Variants in BEND5 observed in about 807,000 individuals in gnomAD.
BEND5 encodes BEN domain-containing protein 5.
Under a neutral mutation model 43.9 loss-of-function variants are expected in BEND5, and 22 were observed. That is an observed-to-expected ratio of 0.50 (90% CI 0.36 to 0.72). BEND5 has a LOEUF of 0.72. Among genes scored for constraint, BEND5 ranks in the 30% least tolerant of loss-of-function variants. The pLI is 0.00. For missense variants in BEND5, 428 were observed against 550.6 expected, an observed-to-expected ratio of 0.78 and a Z score of 2.23; for synonymous variants, 228 against 225.9, an observed-to-expected ratio of 1.01 and a Z score of -0.08.
chr1:48,746,885 GA>G (rs199560065), intron 3 of BEND5, among the ~76,000 whole-genome samples: 1,602 of 152,316 alleles, frequency 0.011, 19 homozygotes, highest in Non-Finnish European at 0.014. Flanking sequence ...TCAATCAACA[GA>G]GCGCAATGTT....
chr1:48,738,630 A>C (rs1400026571), intron 4 of BEND5, among the ~76,000 whole-genome samples: 1 of 152,200 alleles, frequency 6.6e-6, no homozygotes, highest in African/African-American at 2.4e-5. Context: ...AATTACATTA[A>C]ATTCTGAATC....
intron 1 of BEND5, among the ~76,000 whole-genome samples, chr1:48,765,078 T>C (rs1480242621): frequency 4.6e-5 from 7 of 152,144 alleles, no homozygotes; most frequent in Non-Finnish European, 7.3e-5. Flanking sequence ...CTTCCACTCA[T>C]CTCCTCCCTC....
chr1:48,731,472 G>T (rs1220704737), intron 5 of BEND5, among the ~76,000 whole-genome samples: 1 of 152,176 alleles, frequency 6.6e-6, no homozygotes, highest in Non-Finnish European at 1.5e-5. Context: ...CAAAGATACA[G>T]TAAGAAGAGA....
chr1:48,774,584 A>C (rs1190546110), intron 1 of BEND5, among the ~76,000 whole-genome samples: 1 of 152,216 alleles, frequency 6.6e-6, no homozygotes, highest in Admixed American at 6.5e-5. Flanking sequence ...CCAGTTTCCA[A>C]ATGATGCTTG....
intron 4 of BEND5, among the ~76,000 whole-genome samples, chr1:48,740,230 G>A (rs1305761866): frequency 6.6e-6 from 1 of 152,166 alleles, no homozygotes; most frequent in African/African-American, 2.4e-5. Context: ...GGCCCCTGAG[G>A]TTAGCAAGGC....
chr1:48,744,898 C>T (rs1473455), intron 3 of BEND5, among the ~76,000 whole-genome samples: 97,974 of 152,074 alleles, frequency 0.64, 33,139 homozygotes, highest in Non-Finnish European at 0.77. Flanking sequence ...TGTCTTGGCG[C>T]TGAACACTAC....
rs1177223341 is a variant in BEND5 at position 48,776,886 on chromosome 1, G to A, written c.-55C>T. 1.6e-6 allele frequency: 2 copies of A among 1,245,818 alleles called. No homozygotes were observed. The allele number at this position is 1,245,818 out of a possible 1,614,324, so 77.2% of individuals were successfully genotyped here. ...GCAGCTCAGCCCGCGGGGCGGGCGC[G>A]GAGGTGGGGATCCGGCGGGGGGCGC... On this transcript the variant is annotated 5_prime_UTR_variant, in exon 1 of 6. Transcript: ENST00000371833.
chr1:48,736,134 A>C lies in BEND5; in HGVS notation c.1108+105T>G, dbSNP rs1186177470. On this transcript the variant is annotated intron_variant, in intron 5 of 5. Coordinates refer to ENST00000371833, the MANE Select transcript of BEND5 (RefSeq NM_024603.4). The surrounding 1 kb of genome is among the most constrained non-coding windows in gnomAD (Gnocchi z 4.0). ...CCCCGGGCTCAGCCCAGGGTCTGGC[A>C]TGCAGAAGCTTCATAAGTAATCGTT... The C allele has an allele frequency of 7.6e-7, 1 of 1,321,878 alleles. No homozygotes were observed. The highest frequency in any genetic ancestry group is 1.5e-5 in the African/African-American group (1 of 68,340). 81.9% of individuals were successfully genotyped at this position (1,321,878 alleles called of 1,614,324 possible). A position where few individuals can be genotyped will look rare whatever the true frequency, so the allele number is the denominator to read the frequency against.
intron 5 of BEND5, among the ~76,000 whole-genome samples, chr1:48,730,772 A>T (rs1044899726): frequency 2.0e-5 from 3 of 152,188 alleles, no homozygotes; most frequent in African/African-American, 7.2e-5. Context: ...ATTATTGCTT[A>T]ATTAACAAGG....
At chr1:48,758,176 T>C (rs954086492) in intron 3 of BEND5, among the ~76,000 whole-genome samples, 2 of 152,220 alleles carry the variant, frequency 1.3e-5, no homozygotes, top group Non-Finnish European at 2.9e-5. Context: ...TTTATATTCA[T>C]CTTCCTAAGG....
chr1:48,733,993 C>A (rs1648595009), intron 5 of BEND5, among the ~76,000 whole-genome samples: 1 of 152,152 alleles, frequency 6.6e-6, no homozygotes, highest in African/African-American at 2.4e-5. Flanking sequence ...CACCCAGGAC[C>A]TCCTGAGTCA....
rs1262843260 is a variant in BEND5, at chr1:48,742,655, C to T, written c.862G>A (p.Val288Ile). The T allele has an allele frequency of 6.2e-7, 1 of 1,605,600 alleles. No individual in the cohort carries two copies. The highest frequency in any genetic ancestry group is 8.5e-7 in the Non-Finnish European group (1 of 1,175,648). ...TSSYYPAPAPVMDKYILDNGK... is the reference protein window; with the variant it reads ...TSSYYPAPAPIMDKYILDNGK... ...TTGTCTAGGATATACTTGTCCATGA[C>T]AGGCGCAGGAGCGGGGTAATAGGAC... The change falls in exon 4 of 6, where the codon GTC becomes ATC. Residue 288 changes from valine (V) to isoleucine (I), a missense_variant. Val to Ile is a conservative substitution (Grantham distance 29). Around this residue, in one of 4 missense-constraint regions of BEND5, gnomAD observed 243 missense variants for 286.4 expected, o/e 0.85. Coordinates refer to ENST00000371833, the MANE Select transcript of BEND5 (RefSeq NM_024603.4).
intron 3 of BEND5, 107 bp from the exon 4 acceptor site, chr1:48,742,878 C>T (rs1650135220): frequency 8.5e-7 from 1 of 1,180,382 alleles, no homozygotes; most frequent in South Asian, 2.0e-5. Flanking sequence ...AATTTGCTAG[C>T]TTATTTTTGT....
intron 5 of BEND5, among the ~76,000 whole-genome samples, chr1:48,729,022 C>G (rs1647664035): frequency 6.6e-6 from 1 of 152,142 alleles, no homozygotes; most frequent in Admixed American, 6.5e-5. Context: ...AGCCCGACTT[C>G]AATTGACTGC....
rs954794321 is a variant in BEND5 at position 48,758,117 on chromosome 1, A to G, written c.745+783T>C. On this transcript the variant is annotated intron_variant, in intron 3 of 5. Coordinates refer to ENST00000371833, the MANE Select transcript of BEND5 (RefSeq NM_024603.4). Reference sequence around the variant, plus strand: ...CTGATTAGTTAAAATAGGGTGCAATATAAGAACCTATTAAGTTCTATGAGC... The same window carrying G: ...CTGATTAGTTAAAATAGGGTGCAATGTAAGAACCTATTAAGTTCTATGAGC... Among the ~76,000 whole-genome samples the G allele has an allele frequency of 2.6e-5, 4 of 152,230 alleles. No individual in the cohort carries two copies. The South Asian group carries it at 6.2e-4, about 24-fold the overall frequency.
chr1:48,733,272 G>A (rs1648449301), intron 5 of BEND5, among the ~76,000 whole-genome samples: 1 of 152,116 alleles, frequency 6.6e-6, no homozygotes, highest in Non-Finnish European at 1.5e-5. Flanking sequence ...ATAACTGAAG[G>A]AACAAGGTAC....
rs1467763405 is a variant in BEND5, at chr1:48,727,771, T to A, written c.*115A>T. 6 of 1,007,290 alleles carry A rather than the reference T, an allele frequency of 6.0e-6. No homozygotes were observed. The highest frequency in any genetic ancestry group is 7.3e-6 in the Non-Finnish European group (5 of 686,538). The allele number at this position is 1,007,290 out of a possible 1,614,324, so 62.4% of individuals were successfully genotyped here. ...ACAAGCCGCTGACCCCAGAACCCGA[T>A]GGATCCCTGCACACACACCACCATG... On this transcript the variant is annotated 3_prime_UTR_variant, in exon 6 of 6. Coordinates refer to ENST00000371833, the MANE Select transcript of BEND5 (RefSeq NM_024603.4).
intron 3 of BEND5, among the ~76,000 whole-genome samples, chr1:48,753,232 G>A (rs1452635498): frequency 6.6e-6 from 1 of 152,222 alleles, no homozygotes; most frequent in African/African-American, 2.4e-5. Context: ...TAATCACTGA[G>A]CTGGTTCTCC....
intron 3 of BEND5, among the ~76,000 whole-genome samples, chr1:48,754,393 G>C (rs1027531090): frequency 6.6e-6 from 1 of 152,048 alleles, no homozygotes; most frequent in African/African-American, 2.4e-5. Flanking sequence ...TGTTCATTAC[G>C]TTATTCCCAG....
Sources: allele counts gnomAD v4.1 joint callset (sites outside exome capture counted in the v4.1 genomes callset), GRCh38; gene constraint gnomAD v4.1.1; regional missense constraint gnomAD v4.1.1; non-coding constraint Gnocchi (gnomAD v3.1); transcripts MANE v1.5; gene names NCBI Gene and HGNC (gene_info 2026-07-23, HGNC 2026-07-21).